The following H2AZ2 variants were observed in gnomAD, a reference collection of about 807,000 sequenced individuals.
H2AZ2 encodes histone H2A.V.
In H2AZ2, 5 loss-of-function variants were observed where a neutral mutation model predicts 15.5. The observed-to-expected ratio is 0.32, with a 90% CI of 0.17 to 0.68. H2AZ2 has a LOEUF of 0.68. H2AZ2 is among the 30% of genes least tolerant of loss of function. The pLI is 0.72. For synonymous variants in H2AZ2, 44 were observed against 57.4 expected (o/e 0.77, Z 1.05); for missense variants, 42 against 162.5 (o/e 0.26, Z 4.03).
intron 2 of H2AZ2, among the ~76,000 whole-genome samples, chr7:44,842,005 AC>A (rs1179399331): frequency 6.6e-6 from 1 of 152,122 alleles, no homozygotes; most frequent in African/African-American, 2.4e-5. Flanking sequence ...CCCTAACTTG[AC>A]CTTTGAAGGC....
intron 1 of H2AZ2, 81 bp from the exon 2 acceptor site, chr7:44,843,435 T>C: frequency 1.1e-6 from 1 of 950,520 alleles, no homozygotes; most frequent in South Asian, 1.4e-5. Flanking sequence ...GAATTTTTTC[T>C]AGTTTTACTT....
chr7:44,834,784 C>CTTTTTTT (rs35455193), intron 4 of H2AZ2: 3 of 159,622 alleles, frequency 1.9e-5, no homozygotes, highest in South Asian at 1.2e-4. Context: ...GTAACCATAG[C>CTTTTTTT]TTTTTTTTTT....
chr7:44,840,249 T>A (rs902655518), intron 3 of H2AZ2, among the ~76,000 whole-genome samples: 4 of 152,068 alleles, frequency 2.6e-5, no homozygotes, highest in African/African-American at 4.8e-5. Flanking sequence ...GCTTAACTTT[T>A]AAAAATTTTT....
At chr7:44,839,317 A>G (rs1793211148) in intron 3 of H2AZ2, among the ~76,000 whole-genome samples, 1 of 152,112 alleles carries the variant, frequency 6.6e-6, no homozygotes, top group African/African-American at 2.4e-5. Context: ...GCAACTTGGG[A>G]GGACCACTTG....
At chr7:44,834,833 G>A (rs1480374673) in intron 4 of H2AZ2, 1 of 260,990 alleles carries the variant, frequency 3.8e-6, no homozygotes, top group Admixed American at 5.5e-5. Context: ...CGCCAATGCT[G>A]GGGTGCAGTG....
chr7:44,831,736 T>C (rs925642273), downstream of H2AZ2, among the ~76,000 whole-genome samples: 12 of 152,218 alleles, frequency 7.9e-5, no homozygotes, highest in African/African-American at 2.9e-4. Context: ...AAGATATCAC[T>C]GGTTGGCAAC....
rs184660960 is a variant in H2AZ2, at chr7:44,834,218, T to C, written c.*283A>G. On this transcript the variant is annotated 3_prime_UTR_variant, in exon 5 of 5. Transcript: ENST00000308153. ...CTAATACATCATGAACAGAACAGTT[T>C]TGAGACAAATTAATTTTGTAAAAAA... 197 of 1,183,370 alleles carry C rather than the reference T, an allele frequency of 1.7e-4. No individual in the cohort carries two copies. Among genetic ancestry groups the C allele is most frequent in the Middle Eastern group, 1.0e-3 (3 of 2,866 alleles). 73.3% of individuals were successfully genotyped at this position (1,183,370 alleles called of 1,614,324 possible).
At chr7:44,841,122 A>G (rs1199549144) in intron 2 of H2AZ2, 110 bp from the exon 3 acceptor site, 3 of 759,862 alleles carry the variant, frequency 3.9e-6, no homozygotes, top group African/African-American at 1.7e-5. Context: ...TTGATCACAC[A>G]TATCAGAAGC....
chr7:44,844,511 G>A (rs1453706087), intron 1 of H2AZ2, among the ~76,000 whole-genome samples: 1 of 152,112 alleles, frequency 6.6e-6, no homozygotes, highest in Non-Finnish European at 1.5e-5. Flanking sequence ...GCGCCACCAT[G>A]CCCTGCTAAT....
downstream of H2AZ2, chr7:44,828,619 G>C (rs956561638): frequency 5.3e-5 from 8 of 152,166 alleles, no homozygotes; most frequent in African/African-American, 1.9e-4. Context: ...ACCCTTGAAA[G>C]AATTACAAAG....
In H2AZ2 at chr7:44,835,669, T is replaced by C. The variant is rs189527845; in HGVS notation, c.196-11A>G. On this transcript the variant is annotated splice_polypyrimidine_tract_variant and intron_variant, in intron 3 of 4. Transcript: ENST00000308153. ...TGCCAGCTCCAGCACCTACAAAGCATCCATGATTAGCATATCAAATGAAGG... is the reference window on the plus strand; with the variant it reads ...TGCCAGCTCCAGCACCTACAAAGCACCCATGATTAGCATATCAAATGAAGG... 1 of 1,577,188 alleles carries C rather than the reference T, an allele frequency of 6.3e-7. No homozygotes were observed. Among genetic ancestry groups the C allele is most frequent in the Non-Finnish European group, 8.6e-7 (1 of 1,157,488 alleles).
intron 1 of H2AZ2, among the ~76,000 whole-genome samples, chr7:44,847,308 A>G (rs1793434584): frequency 6.6e-6 from 1 of 152,216 alleles, no homozygotes; most frequent in African/African-American, 2.4e-5. Context: ...TCTGAATTTC[A>G]GAATGAAAAG....
At chr7:44,838,228 C>G (rs1387580532) in intron 3 of H2AZ2, among the ~76,000 whole-genome samples, 1 of 152,090 alleles carries the variant, frequency 6.6e-6, no homozygotes, top group Non-Finnish European at 1.5e-5. Flanking sequence ...CCACCTCAGC[C>G]TCCCAAAGTG....
chr7:44,839,681 CA>C (rs957303473), intron 3 of H2AZ2, among the ~76,000 whole-genome samples: 5 of 146,166 alleles, frequency 3.4e-5, no homozygotes, highest in East Asian at 2.0e-4. Context: ...GCCTCTGTCT[CA>C]AAAAAAAATA....
intron 1 of H2AZ2, among the ~76,000 whole-genome samples, chr7:44,846,667 A>C (rs76072595): frequency 2.7e-5 from 4 of 150,824 alleles, no homozygotes; most frequent in African/African-American, 9.7e-5. Flanking sequence ...AAAAAAAAAA[A>C]AACCACAAAA....
In H2AZ2 at chr7:44,833,425, C is replaced by T. The variant is rs749927795; in HGVS notation, c.*1076G>A. On this transcript the variant is annotated 3_prime_UTR_variant, in exon 5 of 5. Coordinates refer to ENST00000308153, the MANE Select transcript of H2AZ2 (RefSeq NM_012412.5). Reference sequence around the variant, plus strand: ...TTTTTTGTATTTTTTTAAATAGAGACGGGGTTTCACCATGTTAGCCAGGAT... The same window carrying T: ...TTTTTTGTATTTTTTTAAATAGAGATGGGGTTTCACCATGTTAGCCAGGAT... Among the ~76,000 whole-genome samples the T allele has an allele frequency of 1.1e-4, 16 of 152,054 alleles. No individual in the cohort carries two copies. The highest frequency in any genetic ancestry group is 4.1e-4 in the South Asian group (2 of 4,822).
chr7:44,834,280 G>A lies in H2AZ2; in HGVS notation c.*221C>T. 1 of 1,274,102 alleles carries A rather than the reference G, an allele frequency of 7.8e-7. No individual in the cohort carries two copies. The highest frequency in any genetic ancestry group is 9.9e-7 in the Non-Finnish European group (1 of 1,008,002). The allele number at this position is 1,274,102 out of a possible 1,614,324, so 78.9% of individuals were successfully genotyped here. A position where few individuals can be genotyped will look rare whatever the true frequency, so the allele number is the denominator to read the frequency against. ...TTCCATTTTTGTATAAAACACACGG[G>A]AGAAACCTAGCCAATCAACACACAA... is the stretch of plus-strand genomic sequence containing the variant. On this transcript the variant is annotated 3_prime_UTR_variant, in exon 5 of 5. Transcript: ENST00000308153.
At chr7:44,836,120 G>A (rs996728343) in intron 3 of H2AZ2, among the ~76,000 whole-genome samples, 5 of 151,842 alleles carry the variant, frequency 3.3e-5, no homozygotes, top group African/African-American at 4.8e-5. Flanking sequence ...CACCAAACCC[G>A]GCTTTTTTGT....
intron 1 of H2AZ2, among the ~76,000 whole-genome samples, chr7:44,846,433 T>C (rs1161809524): frequency 6.6e-6 from 1 of 151,948 alleles, no homozygotes; most frequent in East Asian, 1.9e-4. Flanking sequence ...CTGGCCAACA[T>C]GGTGAAACCC....
Sources: gnomAD v4.1 joint callset for allele counts (sites outside exome capture counted in the v4.1 genomes callset) on GRCh38, gnomAD v4.1.1 for gene constraint, MANE v1.5 for transcripts, NCBI Gene and HGNC (gene_info 2026-07-23, HGNC 2026-07-21) for gene names.